Variants in RFC5 observed in about 807,000 individuals in gnomAD.
RFC5 encodes the protein A1 36 kDa subunit.
RFC5 carries 26 observed loss-of-function variants against 44.3 expected under a neutral mutation model. The observed-to-expected ratio is 0.59, with a 90% CI of 0.43 to 0.81. The LOEUF is 0.81. Ranked by LOEUF, RFC5 falls within the 40% of genes least tolerant of loss-of-function variation. RFC5 has a pLI of 0.00. For synonymous variants in RFC5, 155 were observed against 155.2 expected, an observed-to-expected ratio of 1.00 and a Z score of 0.01; for missense variants, 328 against 418.6, an observed-to-expected ratio of 0.78 and a Z score of 1.89.
At chr12:118,027,228 C>A in intron 8 of RFC5, 1 of 542,580 alleles carries the variant, frequency 1.8e-6, no homozygotes, top group Non-Finnish European at 3.3e-6. Context: ...ACCTTCAAGT[C>A]AGGGTAAGGC....
the RFC5 span, among the ~76,000 whole-genome samples, chr12:118,041,080 A>G: frequency 6.6e-6 from 1 of 152,292 alleles, no homozygotes; most frequent in Admixed American, 6.5e-5. Context: ...AAAAACACCT[A>G]GAGTTATCTT....
intron 1 of RFC5, among the ~76,000 whole-genome samples, chr12:118,017,429 C>T (rs1225470926): frequency 6.6e-6 from 1 of 152,174 alleles, no homozygotes; most frequent in East Asian, 1.9e-4. Context: ...GTAATGACTT[C>T]CCTATGGTCC....
chr12:118,029,687 T>C lies in RFC5; in HGVS notation c.872-84T>C, dbSNP rs2031187003. The C allele has an allele frequency of 1.9e-5, 17 of 912,552 alleles. 1 individual carries two copies. The highest frequency in any genetic ancestry group is 2.1e-4 in the Middle Eastern group (1 of 4,710). 56.5% of individuals were successfully genotyped at this position (912,552 alleles called of 1,614,324 possible). On this transcript the variant is annotated intron_variant, in intron 9 of 10. Coordinates refer to ENST00000454402, the MANE Select transcript of RFC5 (RefSeq NM_007370.7). ...CTCAGGACTAGTTCAGTGTTAAGGA[T>C]TTCATGTTGAAACTCATTTGTCCTC...
In RFC5 at chr12:118,022,246, G is replaced by A. The variant is rs746337880; in HGVS notation, c.348-40G>A. 56 of 1,502,004 alleles carry A rather than the reference G, an allele frequency of 3.7e-5. No homozygotes were observed. The South Asian group carries it at 6.2e-4, about 17-fold the overall frequency. 93.0% of individuals were successfully genotyped at this position (1,502,004 alleles called of 1,614,324 possible). A position where few individuals can be genotyped will look rare whatever the true frequency, so the allele number is the denominator to read the frequency against. On this transcript the variant is annotated intron_variant, in intron 4 of 10. Coordinates refer to ENST00000454402, the MANE Select transcript of RFC5 (RefSeq NM_007370.7). ...GGTTTGAGCCCAGATGTTGAGATGAGATTGAAGAAATCTTTAGACAGCACC... is the reference window on the plus strand; with the variant it reads ...GGTTTGAGCCCAGATGTTGAGATGAAATTGAAGAAATCTTTAGACAGCACC...
Position 118,026,951 on chromosome 12 carries a change from G to C in RFC5, c.726G>C (p.Pro242=). ...EETVYTCTGH[P]LKSDIANILD... is the part of the protein sequence containing the mutation. ...CTGTCTACACCTGCACCGGGCACCC[G>C]CTCAAGTCAGACATTGCCAACATCC... is the stretch of plus-strand genomic sequence containing the variant. The change falls in exon 8 of 11, where the codon CCG becomes CCC. Residue 242 remains proline, a synonymous_variant. Transcript: ENST00000454402. The C allele has an allele frequency of 6.2e-7, 1 of 1,613,906 alleles. No individual in the cohort carries two copies. Among genetic ancestry groups the C allele is most frequent in the Non-Finnish European group, 8.5e-7 (1 of 1,179,932 alleles).
chr12:118,027,669 C>G (rs2031040562), intron 8 of RFC5, among the ~76,000 whole-genome samples: 1 of 126,374 alleles, frequency 7.9e-6, no homozygotes, highest in South Asian at 3.0e-4. Context: ...GAGATTCCAT[C>G]TTAAAAAAAA....
chr12:118,017,976 C>T, intron 1 of RFC5: 1 of 696,684 alleles, frequency 1.4e-6, no homozygotes, highest in Non-Finnish European at 2.6e-6. Flanking sequence ...AGTTACTCCC[C>T]ATTCTCCCCT....
At chr12:118,025,915 C>A (rs890966958) in intron 7 of RFC5, 87 bp downstream of exon 7, 2 of 787,244 alleles carry the variant, frequency 2.5e-6, no homozygotes, top group Non-Finnish European at 4.3e-6. Flanking sequence ...GCAACACAAT[C>A]TCAGCTCACT....
chr12:118,034,164 C>A (rs201888386), downstream of RFC5: 1,689 of 1,613,184 alleles, frequency 1.0e-3, 5 homozygotes, highest in Middle Eastern at 8.7e-3. Context: ...ACGATTTACC[C>A]TGCTACAAAG....
chr12:118,019,283 C>T lies in RFC5; in HGVS notation c.130+147C>T, dbSNP rs2030322942. ...TTTAAGATCATTCATTCATTTTCTT[C>T]AGGTTGCTACAGTCCAGTGGGTAAG... On this transcript the variant is annotated intron_variant, in intron 2 of 10. Transcript: ENST00000454402. This position sits in a 1 kb window ranked among gnomAD's most constrained non-coding sequence, Gnocchi z 4.2. 2 of 689,766 alleles carry T rather than the reference C, an allele frequency of 2.9e-6. No individual in the cohort carries two copies. Among genetic ancestry groups the T allele is most frequent in the Non-Finnish European group, 5.1e-6 (2 of 390,596 alleles). The allele number at this position is 689,766 out of a possible 1,614,324, so 42.7% of individuals were successfully genotyped here.
chr12:118,037,103 G>A (rs2031529487), downstream of RFC5, among the ~76,000 whole-genome samples: 1 of 151,950 alleles, frequency 6.6e-6, no homozygotes, highest in Non-Finnish European at 1.5e-5. Context: ...AATCACTTGA[G>A]CCTGGTAGGT....
chr12:118,040,320 A>G, the RFC5 span, among the ~76,000 whole-genome samples: 2 of 152,040 alleles, frequency 1.3e-5, no homozygotes, highest in African/African-American at 4.8e-5. Context: ...AAAAGCTCTC[A>G]TAATTGGCCT....
downstream of RFC5, among the ~76,000 whole-genome samples, chr12:118,037,678 AAAAAG>A (rs1162965546): frequency 4.7e-3 from 713 of 151,434 alleles, 3 homozygotes; most frequent in African/African-American, 9.4e-3. Context: ...AAAAAAAAAA[AAAAAG>A]AAAAGAAAAG....
chr12:118,038,221 A>T, the RFC5 span: 2 of 1,472,576 alleles, frequency 1.4e-6, no homozygotes. Flanking sequence ...GAACACTCAC[A>T]CACACCAGGC....
chr12:118,025,634 C>T, intron 6 of RFC5, 113 bp from the exon 7 acceptor site: 1 of 682,482 alleles, frequency 1.5e-6, no homozygotes, highest in Non-Finnish European at 2.7e-6. Context: ...AACTCTGTTC[C>T]TCTCCTTCCT....
intron 1 of RFC5, chr12:118,018,077 G>A (rs184810758): frequency 1.3e-5 from 9 of 693,760 alleles, no homozygotes; most frequent in African/African-American, 7.0e-5. Context: ...TACACTATGT[G>A]GCCTTTTGTG....
At chr12:118,028,211 C>T (rs958005558) in intron 9 of RFC5, among the ~76,000 whole-genome samples, 181 bp downstream of exon 9, 5 of 152,100 alleles carry the variant, frequency 3.3e-5, no homozygotes, top group Non-Finnish European at 5.9e-5. Context: ...GAGCTGGGTA[C>T]GGTGGCTCAA....
At chr12:118,030,041 T>G (rs930594658) in intron 10 of RFC5, among the ~76,000 whole-genome samples, 37 of 152,180 alleles carry the variant, frequency 2.4e-4, no homozygotes, top group African/African-American at 8.7e-4. Flanking sequence ...CAGTTACATA[T>G]CTGAGATGAA....
chr12:118,038,107 T>C, downstream of RFC5: 1 of 485,576 alleles, frequency 2.1e-6, no homozygotes, highest in South Asian at 4.0e-5. Context: ...ATCCCTCCTG[T>C]CTTTGGGTTC....
Sources: allele counts gnomAD v4.1 joint callset (sites outside exome capture counted in the v4.1 genomes callset), GRCh38; gene constraint gnomAD v4.1.1; non-coding constraint Gnocchi (gnomAD v3.1); transcripts MANE v1.5; gene names NCBI Gene and HGNC (gene_info 2026-07-23, HGNC 2026-07-21).